Variants in DMD observed in about 807,000 individuals in gnomAD.
DMD encodes the protein mutant dystrophin.
DMD carries 63 observed loss-of-function variants against 330.1 expected under a neutral mutation model. That is an observed-to-expected ratio of 0.19 (90% CI 0.16 to 0.24). The LOEUF (loss-of-function observed/expected upper bound fraction) is 0.24. Among genes scored for constraint, DMD ranks in the 10% least tolerant of loss-of-function variants. DMD has a pLI of 1.00. For synonymous variants in DMD, 1,223 were observed against 959.8 expected (o/e 1.27, Z -5.07); for missense variants, 3,344 against 2,684.1 (o/e 1.25, Z -5.43).
chrX:32,651,440 G>A (rs950520956), intron 9 of DMD, among the ~76,000 whole-genome samples: 4 of 112,145 alleles, frequency 3.6e-5, no homozygotes, highest in African/African-American at 1.3e-4. Context: ...ACGGTGTCCG[G>A]CCCTCACGTA....
intron 74 of DMD, among the ~76,000 whole-genome samples, chrX:31,167,965 A>G (rs2039595659): frequency 8.9e-6 from 1 of 112,398 alleles, no homozygotes; most frequent in South Asian, 3.7e-4. Context: ...TTTCTGAGAA[A>G]GGTCCAAAGT....
chrX:32,519,117 G>C (rs2046166428), intron 17 of DMD, among the ~76,000 whole-genome samples: 1 of 97,573 alleles, frequency 1.0e-5, no homozygotes, highest in Non-Finnish European at 2.0e-5. Context: ...CAACCCAAGT[G>C]TCTAATGGAA....
At chrX:32,533,074 T>C (rs1326320844) in intron 17 of DMD, among the ~76,000 whole-genome samples, 2 of 111,351 alleles carry the variant, frequency 1.8e-5, no homozygotes, top group East Asian at 5.7e-4. Context: ...ACCTAAAATA[T>C]TTACTCTCTG....
chrX:33,223,913 T>C (rs2052236043), intron 1 of DMD, among the ~76,000 whole-genome samples: 1 of 112,299 alleles, frequency 8.9e-6, no homozygotes, highest in African/African-American at 3.2e-5. Flanking sequence ...ATTTTAAAAA[T>C]GGGCAAAACA....
At chrX:32,976,227 A>AAT (rs1354897633) in intron 2 of DMD, among the ~76,000 whole-genome samples, 32 of 109,503 alleles carry the variant, frequency 2.9e-4, no homozygotes, top group African/African-American at 1.0e-3. Flanking sequence ...CTCAAAAAAA[A>AAT]AAAAATACAA....
chrX:32,338,192 T>A (rs1333572513), intron 41 of DMD, among the ~76,000 whole-genome samples: 2 of 111,606 alleles, frequency 1.8e-5, no homozygotes, highest in Non-Finnish European at 3.8e-5. Flanking sequence ...TGTTCTTTTG[T>A]CTTAAGTAAC....
chrX:32,829,765 A>G (rs2079017538), intron 4 of DMD, among the ~76,000 whole-genome samples: 1 of 111,839 alleles, frequency 8.9e-6, no homozygotes, highest in Non-Finnish European at 1.9e-5. Flanking sequence ...CCAAGAGTTC[A>G]TGAACATTTT....
intron 55 of DMD, among the ~76,000 whole-genome samples, chrX:31,592,942 A>G (rs746409780): frequency 1.8e-5 from 2 of 111,397 alleles, no homozygotes; most frequent in East Asian, 5.6e-4. Flanking sequence ...TACATGATTT[A>G]GCTGCTCAAC....
intron 55 of DMD, among the ~76,000 whole-genome samples, chrX:31,549,312 A>G (rs2074337849): frequency 9.0e-6 from 1 of 110,614 alleles, no homozygotes; most frequent in South Asian, 3.8e-4. Flanking sequence ...ATCAGGACTG[A>G]GAACAACTAC....
chrX:32,237,121 G>A lies in DMD; in HGVS notation c.6291-20058C>T, dbSNP rs1015276804. ...TTTTTGCTTTGTGCTGTTGCTTAAG[G>A]GACACCTCTTTTGCCCTACATGCCC... On this transcript the variant is annotated intron_variant, in intron 43 of 78. Transcript: ENST00000357033. Among the ~76,000 whole-genome samples, 3 of 110,318 alleles carry A rather than the reference G, an allele frequency of 2.7e-5. No individual in the cohort carries two copies. The Admixed American group carries it at 2.9e-4, about 11-fold the overall frequency.
At chrX:33,179,551 G>A (rs923958543) in intron 1 of DMD, among the ~76,000 whole-genome samples, 12 of 108,759 alleles carry the variant, frequency 1.1e-4, no homozygotes, top group African/African-American at 3.3e-4. Flanking sequence ...AAAATTAGCC[G>A]GGCGTGGTGG....
At chrX:33,009,490 GTGTATA>G (rs1487604440) in intron 2 of DMD, among the ~76,000 whole-genome samples, 1 of 88,006 alleles carries the variant, frequency 1.1e-5, no homozygotes, top group Non-Finnish European at 2.2e-5. Context: ...ATACACATGT[GTGTATA>G]TGTATATGTG....
intron 44 of DMD, among the ~76,000 whole-genome samples, chrX:32,054,026 T>A (rs1481596090): frequency 1.9e-5 from 2 of 107,142 alleles, no homozygotes; most frequent in African/African-American, 6.8e-5. Flanking sequence ...CACAAGAAGC[T>A]TTCATTATTC....
intron 43 of DMD, among the ~76,000 whole-genome samples, chrX:32,222,346 A>T (rs2097134636): frequency 8.9e-6 from 1 of 111,969 alleles, no homozygotes; most frequent in Non-Finnish European, 1.9e-5. Flanking sequence ...CAGTCTGACT[A>T]CCTAACATCA....
chrX:32,256,572 T>G lies in DMD; in HGVS notation c.6290+30957A>C, dbSNP rs759078487. On this transcript the variant is annotated intron_variant, in intron 43 of 78. Coordinates refer to ENST00000357033, the MANE Select transcript of DMD (RefSeq NM_004006.3). ...TGTAATTATGATGTTGGTTAGTTAT[T>G]TTGCCTGTTAGTTGAGGCAGTTTCT... Among the ~76,000 whole-genome samples the G allele has an allele frequency of 5.4e-4, 60 of 110,982 alleles. 1 individual carries two copies. The highest frequency in any genetic ancestry group is 2.0e-3 in the African/African-American group (60 of 30,529).
intron 59 of DMD, among the ~76,000 whole-genome samples, chrX:31,471,470 G>A (rs2067299499): frequency 9.0e-6 from 1 of 111,651 alleles, no homozygotes; most frequent in African/African-American, 3.3e-5. Context: ...GCCCTCTGTG[G>A]GCTGCACCCA....
At chrX:32,650,779 G>A (rs182340797) in intron 9 of DMD, among the ~76,000 whole-genome samples, 1 of 112,085 alleles carries the variant, frequency 8.9e-6, no homozygotes, top group Non-Finnish European at 1.9e-5. Flanking sequence ...ATCATGGCCT[G>A]CTGTTAGGGC....
intron 6 of DMD, among the ~76,000 whole-genome samples, chrX:32,815,512 T>TACACACACACACAC (rs1384950902): frequency 3.2e-4 from 19 of 59,678 alleles, no homozygotes; most frequent in African/African-American, 1.5e-3. Flanking sequence ...TATATATATA[T>TACACACACACACAC]ATATATATAC....
At chrX:31,906,841 T>G (rs999664376) in intron 47 of DMD, among the ~76,000 whole-genome samples, 1 of 111,982 alleles carries the variant, frequency 8.9e-6, no homozygotes, top group African/African-American at 3.2e-5. Context: ...TCACATCTAC[T>G]TTTGTTTATG....
Sources: allele counts gnomAD v4.1 joint callset (sites outside exome capture counted in the v4.1 genomes callset), GRCh38; gene constraint gnomAD v4.1.1; transcripts MANE v1.5; gene names NCBI Gene and HGNC (gene_info 2026-07-23, HGNC 2026-07-21).